PDZRN4: variants seen among roughly 807,000 people sequenced by gnomAD.
PDZRN4 encodes the protein PDZ domain-containing RING finger protein 4.
In PDZRN4, 70 loss-of-function variants were observed where a neutral mutation model predicts 99.0. The observed-to-expected ratio is 0.71, with a 90% confidence interval of 0.58 to 0.86. The LOEUF (loss-of-function observed/expected upper bound fraction) is 0.86. Ranked by LOEUF, PDZRN4 falls within the 40% of genes least tolerant of loss-of-function variation. The pLI is 0.00. For synonymous variants in PDZRN4, 551 were observed against 501.6 expected (o/e 1.10, Z -1.32); for missense variants, 1,474 against 1,331.2 (o/e 1.11, Z -1.67).
intron 5 of PDZRN4, among the ~76,000 whole-genome samples, chr12:41,544,073 A>G (rs974830533): frequency 1.3e-5 from 2 of 152,250 alleles, no homozygotes; most frequent in Non-Finnish European, 2.9e-5. Flanking sequence ...TTAACAATTA[A>G]ATGAAACATT....
intron 3 of PDZRN4, among the ~76,000 whole-genome samples, chr12:41,493,590 G>A (rs544912773): frequency 4.6e-5 from 7 of 152,044 alleles, no homozygotes; most frequent in Non-Finnish European, 8.8e-5. Flanking sequence ...TTATTGTCTC[G>A]TTGTACACGC....
intron 3 of PDZRN4, among the ~76,000 whole-genome samples, chr12:41,244,985 C>T: frequency 6.6e-6 from 1 of 152,080 alleles, no homozygotes; most frequent in Non-Finnish European, 1.5e-5. Flanking sequence ...CCACCGCGCC[C>T]GGCCCACACC....
intron 5 of PDZRN4, among the ~76,000 whole-genome samples, chr12:41,516,859 A>G (rs1938409101): frequency 6.6e-6 from 1 of 151,838 alleles, no homozygotes; most frequent in African/African-American, 2.4e-5. Flanking sequence ...GTTGAGACAG[A>G]TACTTCATAA....
At chr12:41,528,203 T>A (rs1194768234) in intron 5 of PDZRN4, among the ~76,000 whole-genome samples, 21 of 150,878 alleles carry the variant, frequency 1.4e-4, no homozygotes, top group African/African-American at 5.1e-4. Context: ...TTTGTTTTTG[T>A]TTTTGTTTTT....
intron 3 of PDZRN4, among the ~76,000 whole-genome samples, chr12:41,376,373 T>A (rs1952080406): frequency 6.6e-6 from 1 of 152,172 alleles, no homozygotes; most frequent in African/African-American, 2.4e-5. Context: ...TTTCTCCACA[T>A]CCTCATAAAC....
chr12:41,491,711 T>C (rs1337140659), intron 3 of PDZRN4, among the ~76,000 whole-genome samples: 1 of 152,128 alleles, frequency 6.6e-6, no homozygotes, highest in African/African-American at 2.4e-5. Context: ...TTTAGGATCA[T>C]TGTCTTTAAT....
chr12:41,213,116 C>T (rs1216720173), intron 3 of PDZRN4, among the ~76,000 whole-genome samples: 3 of 151,992 alleles, frequency 2.0e-5, no homozygotes, highest in Non-Finnish European at 4.4e-5. Context: ...TATATCCTCC[C>T]CCATTTATAA....
chr12:41,242,654 A>C (rs1951108378), intron 3 of PDZRN4, among the ~76,000 whole-genome samples: 1 of 150,796 alleles, frequency 6.6e-6, no homozygotes, highest in African/African-American at 2.4e-5. Context: ...CACACACACA[A>C]AGTTGATTGG....
intron 3 of PDZRN4, among the ~76,000 whole-genome samples, chr12:41,369,567 T>C (rs1241011407): frequency 6.6e-6 from 1 of 152,054 alleles, no homozygotes; most frequent in Non-Finnish European, 1.5e-5. Context: ...ACATTAAGTC[T>C]TTAAGTGTGT....
At chr12:41,233,623 T>C (rs1469830424) in intron 3 of PDZRN4, among the ~76,000 whole-genome samples, 1 of 151,936 alleles carries the variant, frequency 6.6e-6, no homozygotes, top group Non-Finnish European at 1.5e-5. Context: ...AAATGATGAG[T>C]TCATGTCCTT....
chr12:41,397,009 A>G (rs1049041601), intron 3 of PDZRN4, among the ~76,000 whole-genome samples: 2 of 152,274 alleles, frequency 1.3e-5, no homozygotes, highest in East Asian at 1.9e-4. Flanking sequence ...ATGTAAAAAA[A>G]AAATTCCCAA....
intron 3 of PDZRN4, among the ~76,000 whole-genome samples, chr12:41,218,171 C>A (rs1294839162): frequency 1.3e-5 from 2 of 152,094 alleles, no homozygotes; most frequent in Admixed American, 6.6e-5. Flanking sequence ...TGATTTGTGG[C>A]ATAATTCAAG....
At chr12:41,397,871 G>A (rs908494921) in intron 3 of PDZRN4, among the ~76,000 whole-genome samples, 4 of 151,866 alleles carry the variant, frequency 2.6e-5, no homozygotes, top group African/African-American at 9.7e-5. Context: ...ATCCTTTGAG[G>A]CTGTGTCTTA....
chr12:41,334,496 C>T (rs1951761055), intron 3 of PDZRN4, among the ~76,000 whole-genome samples: 1 of 152,036 alleles, frequency 6.6e-6, no homozygotes, highest in Admixed American at 6.6e-5. Context: ...AAGCTCAGCA[C>T]CATCACCTCC....
chr12:41,192,411 G>C (rs1214504786), intron 2 of PDZRN4, among the ~76,000 whole-genome samples: 1 of 151,884 alleles, frequency 6.6e-6, no homozygotes, highest in Non-Finnish European at 1.5e-5. Flanking sequence ...TTATTTTTGA[G>C]AAAAACAAAA....
chr12:41,521,092 C>G (rs142832772), intron 5 of PDZRN4, among the ~76,000 whole-genome samples: 1 of 152,228 alleles, frequency 6.6e-6, no homozygotes, highest in East Asian at 1.9e-4. Flanking sequence ...AAGTTATTCA[C>G]CAGCCGAAGT....
In PDZRN4 at chr12:41,496,874, T is replaced by C. The variant is rs11180959; in HGVS notation, c.844-9582T>C. On this transcript the variant is annotated intron_variant, in intron 3 of 9. Transcript: ENST00000402685. Reference sequence around the variant, plus strand: ...GCACTAAACACAATTTCCAGTTTCTTATCATTCAGTGCGTTTTGTACAGAA... The same window carrying C: ...GCACTAAACACAATTTCCAGTTTCTCATCATTCAGTGCGTTTTGTACAGAA... Among the ~76,000 whole-genome samples, 796 of 152,268 alleles carry C rather than the reference T, an allele frequency of 5.2e-3. 40 individuals are homozygous for C. In the East Asian group the frequency reaches 0.12, roughly 24 times the overall value.
At chr12:41,439,789 G>C (rs1215247452) in intron 3 of PDZRN4, among the ~76,000 whole-genome samples, 1 of 152,176 alleles carries the variant, frequency 6.6e-6, no homozygotes, top group Non-Finnish European at 1.5e-5. Context: ...GGTGAAAAAT[G>C]AAGTATTAGC....
rs375323274 is a variant in PDZRN4, at chr12:41,199,481, A to G, written c.843+5293A>G. On this transcript the variant is annotated intron_variant, in intron 3 of 9. Coordinates refer to ENST00000402685, the MANE Select transcript of PDZRN4 (RefSeq NM_001164595.2). Reference sequence around the variant, plus strand: ...CCAAAGGATTAAAAATAAAGCTACCATTTGATTTAGCAATCACACTACTGG... The same window carrying G: ...CCAAAGGATTAAAAATAAAGCTACCGTTTGATTTAGCAATCACACTACTGG... 3.0e-4 allele frequency among the ~76,000 whole-genome samples: 46 copies of G among 152,294 alleles called. No individual in the cohort carries two copies. In the East Asian group the frequency reaches 3.3e-3, roughly 11 times the overall value.
Sources: allele counts gnomAD v4.1 joint callset (sites outside exome capture counted in the v4.1 genomes callset), GRCh38; gene constraint gnomAD v4.1.1; transcripts MANE v1.5; gene names NCBI Gene and HGNC (gene_info 2026-07-23, HGNC 2026-07-21).